WNT4: variants seen among roughly 807,000 people sequenced by gnomAD.
WNT4 encodes the protein protein Wnt-4.
In WNT4, 16 loss-of-function variants were observed where a neutral mutation model predicts 34.5. The observed-to-expected ratio is 0.46, with a 90% CI of 0.31 to 0.70. The LOEUF is 0.70. Among genes scored for constraint, WNT4 ranks in the 30% least tolerant of loss-of-function variants. The pLI is 0.04. For synonymous variants in WNT4, 200 were observed against 211.9 expected (o/e 0.94, Z 0.49); for missense variants, 379 against 495.9 (o/e 0.76, Z 2.24).
At chr1:22,132,573 G>A (rs965613369) in intron 1 of WNT4, among the ~76,000 whole-genome samples, 2 of 152,204 alleles carry the variant, frequency 1.3e-5, no homozygotes, top group East Asian at 1.9e-4. Flanking sequence ...GCTGATAGAT[G>A]TGTCTCTGCC....
chr1:22,132,985 C>T (rs557471435), intron 1 of WNT4, among the ~76,000 whole-genome samples: 22 of 152,164 alleles, frequency 1.4e-4, no homozygotes, highest in South Asian at 1.2e-3. Flanking sequence ...TCTGCTTGCC[C>T]GTTTCAGTAT....
At position 22,139,343 on chromosome 1, in the gene WNT4, A is replaced by G. The variant is rs564794965; in HGVS notation, c.77+3503T>C. Among the ~76,000 whole-genome samples, 122 of 152,180 alleles carry G rather than the reference A, an allele frequency of 8.0e-4. No individual in the cohort carries two copies. Among genetic ancestry groups the G allele is most frequent in the African/African-American group, 2.8e-3 (117 of 41,502 alleles). On this transcript the variant is annotated intron_variant, in intron 1 of 4. Transcript: ENST00000290167. This position sits in a 1 kb window ranked among gnomAD's most constrained non-coding sequence, Gnocchi z 4.6. ...GGCTCGCTCTTTCTTCCCAACCACC[A>G]TTGTGCACCATTTGCATCAGTGGGC...
rs764850346 is a variant in WNT4, at chr1:22,120,441, C to T, written c.665G>A (p.Arg222Gln). Residue 222 changes from arginine (R) to glutamine (Q), a missense_variant, in exon 5 of 5, where the codon CGA becomes CAA. This residue lies in a region of WNT4 where 313 missense variants were observed against 445.8 expected (regional missense o/e 0.70). Coordinates refer to ENST00000290167, the MANE Select transcript of WNT4 (RefSeq NM_030761.5). Reference protein sequence around the residue: ...SGSCEVKTCWRAVPPFRQVGH... With the variant: ...SGSCEVKTCWQAVPPFRQVGH... ...CACCTGGCGGAAGGGCGGCACGGCTCGCCAGCACGTCTTTACCTCACAGGA... is the reference window on the plus strand; with the variant it reads ...CACCTGGCGGAAGGGCGGCACGGCTTGCCAGCACGTCTTTACCTCACAGGA... The T allele has an allele frequency of 1.3e-5, 21 of 1,613,598 alleles. No individual in the cohort carries two copies. Among genetic ancestry groups the T allele is most frequent in the East Asian group, 2.2e-5 (1 of 44,894 alleles).
In WNT4 at chr1:22,142,857, C is replaced by G. The variant is rs1019151909; in HGVS notation, c.66G>C (p.Ala22=). The G allele has an allele frequency of 1.7e-6, 2 of 1,211,908 alleles. No homozygotes were observed. Among genetic ancestry groups the G allele is most frequent in the Non-Finnish European group, 2.1e-6 (2 of 947,190 alleles). 75.1% of individuals were successfully genotyped at this position (1,211,908 alleles called of 1,614,324 possible). A position where few individuals can be genotyped will look rare whatever the true frequency, so the allele number is the denominator to read the frequency against. ...LLVFAVFSAA[A]SNWLYLAKLS... ...CCGGCCAGACTTACAGCCAGTTGCT[C>G]GCGGCGGCTGAGAAGACGGCGAAGA... Residue 22 remains alanine (A), a synonymous_variant, in exon 1 of 5, where the codon GCG becomes GCC. Coordinates refer to ENST00000290167, the MANE Select transcript of WNT4 (RefSeq NM_030761.5). This position sits in a 1 kb window ranked among gnomAD's most constrained non-coding sequence, Gnocchi z 6.0.
At position 22,129,699 on chromosome 1, in the gene WNT4, T is replaced by A; in HGVS notation, c.230A>T (p.Glu77Val). ...CCGGTTCCGGAACTGGTACTGGCAC[T>A]CCTCAATGGCCAGCTGGGCACCGCG... ...VRRGAQLAIE[E>V]CQYQFRNRRW... Residue 77 changes from glutamate (E) to valine (V), a missense_variant, in exon 2 of 5, where the codon GAG (glutamate) becomes GTG (valine). Around this residue, in one of 2 missense-constraint regions of WNT4, gnomAD observed 313 missense variants for 445.8 expected, o/e 0.70. Coordinates refer to ENST00000290167, the MANE Select transcript of WNT4 (RefSeq NM_030761.5). 1 of 1,613,940 alleles carries A rather than the reference T, an allele frequency of 6.2e-7. No individual in the cohort carries two copies. Among genetic ancestry groups the A allele is most frequent in the Non-Finnish European group, 8.5e-7 (1 of 1,180,024 alleles).
chr1:22,123,654 G>C (rs572408480), intron 2 of WNT4, among the ~76,000 whole-genome samples: 2 of 152,302 alleles, frequency 1.3e-5, no homozygotes, highest in African/African-American at 4.8e-5. Flanking sequence ...AAAGCAACTT[G>C]TCCAACAATA....
intron 1 of WNT4, among the ~76,000 whole-genome samples, chr1:22,138,072 G>A (rs1003411359): frequency 3.3e-5 from 5 of 152,176 alleles, no homozygotes; most frequent in African/African-American, 9.7e-5. Flanking sequence ...CCACAGCCAC[G>A]GCCTCCAGAT....
In WNT4 at chr1:22,129,672, C is replaced by T. The variant is rs34644882; in HGVS notation, c.257G>A (p.Arg86His). Residue 86 changes from arginine to histidine, a missense_variant, in exon 2 of 5, where the codon CGC (arginine) becomes CAC (histidine). By Grantham distance (29) the Arg-to-His change is conservative. This residue lies in a region of WNT4 where 313 missense variants were observed against 445.8 expected (regional missense o/e 0.70). Transcript: ENST00000290167. ...EECQYQFRNR[R>H]WNCSTLDSLP... ...GGAGTCGAGTGTGGAGCAGTTCCAG[C>T]GCCGGTTCCGGAACTGGTACTGGCA... The T allele has an allele frequency of 1.4e-5, 23 of 1,613,742 alleles. No individual in the cohort carries two copies. In the Admixed American group the frequency reaches 1.8e-4, roughly 13 times the overall value.
intron 2 of WNT4, chr1:22,127,205 C>G (rs182749223): frequency 2.2e-6 from 1 of 451,826 alleles, no homozygotes. Context: ...GGGGATTGGA[C>G]GTTCGACTCC....
In WNT4 at chr1:22,120,048, G is replaced by A. The variant is rs149337836; in HGVS notation, c.*2C>T. 9.3e-6 allele frequency: 15 copies of A among 1,606,162 alleles called. No individual in the cohort carries two copies. The highest frequency in any genetic ancestry group is 5.5e-5 in the South Asian group (5 of 90,944). ...GTTGCCGGCGCAGGGCTAGGCAGGC[G>A]GTCATCGGCACGTGTGCAACTCCAC... On this transcript the variant is annotated 3_prime_UTR_variant, in exon 5 of 5. Coordinates refer to ENST00000290167, the MANE Select transcript of WNT4 (RefSeq NM_030761.5).
chr1:22,121,198 A>G lies in WNT4; in HGVS notation c.588+13T>C. On this transcript the variant is annotated intron_variant, in intron 4 of 4. Transcript: ENST00000290167. ...CCCTACCCCGCTCTTGGTGGGGGGT[A>G]GTGCCACACTACCTTCCTGCCGGCC... 6.2e-7 allele frequency: 1 copy of G among 1,611,580 alleles called. No homozygotes were observed. The highest frequency in any genetic ancestry group is 8.5e-7 in the Non-Finnish European group (1 of 1,178,676).
rs945991908 is a variant in WNT4 at position 22,142,530 on chromosome 1, C to A, written c.77+316G>T. Among the ~76,000 whole-genome samples, 3 of 152,196 alleles carry A rather than the reference C, an allele frequency of 2.0e-5. No homozygotes were observed. Among genetic ancestry groups the A allele is most frequent in the Non-Finnish European group, 4.4e-5 (3 of 68,020 alleles). On this transcript the variant is annotated intron_variant, in intron 1 of 4. Coordinates refer to ENST00000290167, the MANE Select transcript of WNT4 (RefSeq NM_030761.5). The surrounding 1 kb of genome is among the most constrained non-coding windows in gnomAD (Gnocchi z 6.0). Reference sequence around the variant, plus strand: ...CTGGACTGCAACCCGCGTCCGGCGCCCCTCCCGGGCCACCGCCCCGCGCTC... The same window carrying A: ...CTGGACTGCAACCCGCGTCCGGCGCACCTCCCGGGCCACCGCCCCGCGCTC...
chr1:22,121,714 A>G (rs1251533438), intron 2 of WNT4, 138 bp from the exon 3 acceptor site: 1 of 1,366,920 alleles, frequency 7.3e-7, no homozygotes, highest in Non-Finnish European at 1.0e-6. Context: ...ATCATGTGCT[A>G]GGCACCCCAC....
chr1:22,130,257 G>GTC lies in WNT4; in HGVS notation c.78-408_78-407dup, dbSNP rs1427823992. On this transcript the variant is annotated intron_variant, in intron 1 of 4. Coordinates refer to ENST00000290167, the MANE Select transcript of WNT4 (RefSeq NM_030761.5). ...AGGCTGGAGCCGCTGTCTGCCCAGG[G>GTC]TCTCTCTTCCCTGTCCTAGGCAGGA... is the stretch of plus-strand genomic sequence containing the variant. 2.0e-5 allele frequency among the ~76,000 whole-genome samples: 3 copies of GTC among 146,706 alleles called. No homozygotes were observed. The Admixed American group carries it at 2.1e-4, about 10-fold the overall frequency.
At position 22,119,164 on chromosome 1, in the gene WNT4, T is replaced by G; in HGVS notation, c.*886A>C. The G allele has an allele frequency of 6.8e-6, 1 of 147,064 alleles. No individual in the cohort carries two copies. Among genetic ancestry groups the G allele is most frequent in the Non-Finnish European group, 1.5e-5 (1 of 68,204 alleles). The allele number at this position is 147,064 out of a possible 1,614,324, so 9.1% of individuals were successfully genotyped here. On this transcript the variant is annotated 3_prime_UTR_variant, in exon 5 of 5. Coordinates refer to ENST00000290167, the MANE Select transcript of WNT4 (RefSeq NM_030761.5). ...AAGGCACAGCCCTTTCCTCCCTCTCTCTCGCAGGTGTGTGTGTGTGTCCGT... is the reference window on the plus strand; with the variant it reads ...AAGGCACAGCCCTTTCCTCCCTCTCGCTCGCAGGTGTGTGTGTGTGTCCGT...
At position 22,121,220 on chromosome 1, in the gene WNT4, G is replaced by A. The variant is rs373288764; in HGVS notation, c.579C>T (p.Ala193=). Residue 193 remains alanine, a synonymous_variant, in exon 4 of 5, where the codon GCC becomes GCT. Coordinates refer to ENST00000290167, the MANE Select transcript of WNT4 (RefSeq NM_030761.5). ...RALMNLHNNE[A]GRKAILTHMR... ...GGTAGTGCCACACTACCTTCCTGCC[G>A]GCCTCATTGTTGTGGAGGTTCATGA... 2.4e-5 allele frequency: 38 copies of A among 1,614,030 alleles called. No individual in the cohort carries two copies. The South Asian group carries it at 2.9e-4, about 12-fold the overall frequency.
Position 22,140,045 on chromosome 1 carries a change from G to T in WNT4, c.77+2801C>A. 1 of 412,630 alleles carries T rather than the reference G, an allele frequency of 2.4e-6. No homozygotes were observed. The allele number at this position is 412,630 out of a possible 1,614,324, so 25.6% of individuals were successfully genotyped here. A position where few individuals can be genotyped will look rare whatever the true frequency, so the allele number is the denominator to read the frequency against. On this transcript the variant is annotated intron_variant, in intron 1 of 4. Transcript: ENST00000290167. The surrounding 1 kb of genome is among the most constrained non-coding windows in gnomAD (Gnocchi z 5.9). ...ACCTGGCCTCCCCACCAGGCCACCT[G>T]CCCTTCTGAGACAACAGATAGTCCT... is the stretch of plus-strand genomic sequence containing the variant.
chr1:22,127,349 T>C (rs6678992), intron 2 of WNT4: 82,697 of 531,906 alleles, frequency 0.16, 6,941 homozygotes, highest in Admixed American at 0.21. Context: ...CATGGGGTCC[T>C]GAGTACCCAC....
chr1:22,136,245 C>T (rs904546207), intron 1 of WNT4, among the ~76,000 whole-genome samples: 3 of 152,146 alleles, frequency 2.0e-5, no homozygotes, highest in Admixed American at 2.0e-4. Flanking sequence ...GAGTGGGTAT[C>T]AAATTTAAGG....
Sources: gnomAD v4.1 joint callset for allele counts (sites outside exome capture counted in the v4.1 genomes callset) on GRCh38, gnomAD v4.1.1 for gene constraint, gnomAD v4.1.1 regional missense constraint, Gnocchi (gnomAD v3.1) non-coding constraint, MANE v1.5 for transcripts, NCBI Gene and HGNC (gene_info 2026-07-23, HGNC 2026-07-21) for gene names.